Variants in AGAP3 observed in about 807,000 individuals in gnomAD.
AGAP3 encodes ArfGAP with GTPase domain, ankyrin repeat and PH domain 3, also known as arf-GAP with GTPase, ANK repeat and PH domain-containing protein 3.
AGAP3 carries 24 observed loss-of-function variants against 96.9 expected under a neutral mutation model. The observed-to-expected ratio is 0.25, with a 90% CI of 0.18 to 0.35. AGAP3 has a LOEUF of 0.35. AGAP3 is among the 10% of genes least tolerant of loss of function. The probability of loss-of-function intolerance (pLI) is 1.00; values close to 1 mark genes in which losing one functional copy is unlikely to be tolerated. For synonymous variants in AGAP3, 563 were observed against 536.1 expected (o/e 1.05, Z -0.69); for missense variants, 876 against 1,254.2 (o/e 0.70, Z 4.55).
In AGAP3 at chr7:151,142,822, C is replaced by T. The variant is rs1336622322; in HGVS notation, c.2273+188C>T. Among the ~76,000 whole-genome samples, 3 of 152,250 alleles carry T rather than the reference C, an allele frequency of 2.0e-5. No individual in the cohort carries two copies. Among genetic ancestry groups the T allele is most frequent in the African/African-American group, 4.8e-5 (2 of 41,470 alleles). On this transcript the variant is annotated intron_variant, in intron 16 of 17. Transcript: ENST00000397238. The surrounding 1 kb of genome is among the most constrained non-coding windows in gnomAD (Gnocchi z 7.5). ...CTGTCACTCAGGCGCCTCACAACAA[C>T]GGGCCCTTTCTGAGCGTTATCAGCA... is the stretch of plus-strand genomic sequence containing the variant.
chr7:151,121,348 G>C (rs930505955), intron 8 of AGAP3, among the ~76,000 whole-genome samples: 3 of 151,180 alleles, frequency 2.0e-5, no homozygotes, highest in African/African-American at 7.4e-5. Context: ...GCGTGGGGGG[G>C]GCCGCCTGCT....
chr7:151,120,753 C>A (rs902704661), intron 8 of AGAP3: 12 of 1,199,614 alleles, frequency 1.0e-5, no homozygotes, highest in Admixed American at 6.3e-5. Context: ...CAGGTTTGTC[C>A]TGTCTCCTTG....
At chr7:151,098,125 G>A (rs1028616515) in intron 1 of AGAP3, among the ~76,000 whole-genome samples, 6 of 151,980 alleles carry the variant, frequency 3.9e-5, no homozygotes, top group Admixed American at 2.0e-4. Context: ...TTGGGAGGCC[G>A]AGGCAGGCAG....
chr7:151,128,451 C>G (rs1800269418), intron 9 of AGAP3, 129 bp from the exon 10 acceptor site: 2 of 716,460 alleles, frequency 2.8e-6, no homozygotes, highest in Non-Finnish European at 4.8e-6. Flanking sequence ...TCCTTAAAGG[C>G]TGCTTTGCTC....
intron 11 of AGAP3, chr7:151,136,455 C>T (rs372361249): frequency 6.6e-6 from 1 of 152,262 alleles, no homozygotes; most frequent in Admixed American, 6.5e-5. Context: ...CACCGACCCT[C>T]GTGCACACTC....
intron 8 of AGAP3, chr7:151,120,618 GCT>G (rs1298216097): frequency 3.6e-5 from 46 of 1,294,032 alleles, no homozygotes; most frequent in Non-Finnish European, 4.6e-5. Context: ...TCGCCTTCCG[GCT>G]CTTTTTCCGT....
chr7:151,136,259 A>G (rs1207250729), intron 11 of AGAP3: 1 of 152,192 alleles, frequency 6.6e-6, no homozygotes, highest in Non-Finnish European at 1.5e-5. Flanking sequence ...CTGTTTCCCT[A>G]GAGCAAGGGA....
Position 151,096,455 on chromosome 7 carries a change from G to T in AGAP3, c.331+9383G>T, listed in dbSNP as rs574742894. Reference sequence around the variant, plus strand: ...TGCAGTAGACATGGGCGAGTCACACGTGTGAACTTAAATTTTCTTTTCTTT... The same window carrying T: ...TGCAGTAGACATGGGCGAGTCACACTTGTGAACTTAAATTTTCTTTTCTTT... On this transcript the variant is annotated intron_variant, in intron 1 of 17. Coordinates refer to ENST00000397238, the MANE Select transcript of AGAP3 (RefSeq NM_031946.7). This position sits in a 1 kb window ranked among gnomAD's most constrained non-coding sequence, Gnocchi z 4.4. Among the ~76,000 whole-genome samples the T allele has an allele frequency of 6.6e-6, 1 of 152,144 alleles. No homozygotes were observed. The highest frequency in any genetic ancestry group is 6.5e-5 in the Admixed American group (1 of 15,270).
Position 151,118,145 on chromosome 7 carries a change from C to T in AGAP3, c.707-65C>T. 6 of 1,546,310 alleles carry T rather than the reference C, an allele frequency of 3.9e-6. No homozygotes were observed. Among genetic ancestry groups the T allele is most frequent in the East Asian group, 2.3e-5 (1 of 44,046 alleles). ...TGCACACCTGCCCTTGGGCCAAATG[C>T]CCCCCACCACACTACCCCAGCTTCT... On this transcript the variant is annotated intron_variant, in intron 5 of 17. Coordinates refer to ENST00000397238, the MANE Select transcript of AGAP3 (RefSeq NM_031946.7). This position sits in a 1 kb window ranked among gnomAD's most constrained non-coding sequence, Gnocchi z 6.1.
intron 1 of AGAP3, chr7:151,087,321 T>TG (rs965633975): frequency 1.1e-4 from 57 of 497,288 alleles, no homozygotes; most frequent in East Asian, 1.5e-4. Flanking sequence ...TGGTGTCGCT[T>TG]GGGGGGGCCG....
chr7:151,122,101 A>G (rs577565743), intron 8 of AGAP3, among the ~76,000 whole-genome samples: 20 of 152,204 alleles, frequency 1.3e-4, no homozygotes, highest in Middle Eastern at 3.4e-3. Flanking sequence ...TTGGCTCACA[A>G]TCTGGCTGGG....
chr7:151,125,746 C>T lies in AGAP3; in HGVS notation c.1221+1860C>T, dbSNP rs759558496. Among the ~76,000 whole-genome samples the T allele has an allele frequency of 5.9e-5, 9 of 152,236 alleles. No individual in the cohort carries two copies. In the South Asian group the frequency reaches 6.2e-4, roughly 10 times the overall value. On this transcript the variant is annotated intron_variant, in intron 9 of 17. Coordinates refer to ENST00000397238, the MANE Select transcript of AGAP3 (RefSeq NM_031946.7). ...TCTCCCGGTTCTATTCCTTCCCCTCCCCCCAGCTCCTGCTGGGAGTGGAGA... is the reference window on the plus strand; with the variant it reads ...TCTCCCGGTTCTATTCCTTCCCCTCTCCCCAGCTCCTGCTGGGAGTGGAGA...
At chr7:151,129,785 C>G (rs919566384) in intron 10 of AGAP3, among the ~76,000 whole-genome samples, 1 of 152,168 alleles carries the variant, frequency 6.6e-6, no homozygotes, top group African/African-American at 2.4e-5. Context: ...GGAAGAGCGC[C>G]TACCACAGAG....
At chr7:151,094,295 C>T (rs1041247398) in intron 1 of AGAP3, among the ~76,000 whole-genome samples, 7 of 152,074 alleles carry the variant, frequency 4.6e-5, no homozygotes, top group South Asian at 2.1e-4. Flanking sequence ...ACGCTTGTCT[C>T]GTTATTGCTT....
At position 151,140,074 on chromosome 7, in the gene AGAP3, A is replaced by G. The variant is rs767911248; in HGVS notation, c.1762A>G (p.Thr588Ala). 5.1e-5 allele frequency: 82 copies of G among 1,605,252 alleles called. No homozygotes were observed. The Admixed American group carries it at 1.3e-3, about 26-fold the overall frequency. ...GAAGAAGCACCGGAGGAAAAAGAGCACCGGGACCCCCCGACCAGACGGCCC... is the reference window on the plus strand; with the variant it reads ...GAAGAAGCACCGGAGGAAAAAGAGCGCCGGGACCCCCCGACCAGACGGCCC... The part of the protein sequence containing the change: ...NRKKHRRKKS[T>A]GTPRPDGPSS... The change falls in exon 13 of 18, where the codon ACC becomes GCC. Residue 588 changes from threonine (T) to alanine (A), a missense_variant. By Grantham distance (58) the Thr-to-Ala change is moderately conservative. This residue lies in a region of AGAP3 where 155 missense variants were observed against 144.4 expected (regional missense o/e 1.07). Transcript: ENST00000397238. This position sits in a 1 kb window ranked among gnomAD's most constrained non-coding sequence, Gnocchi z 5.4.
At chr7:151,091,289 C>T (rs534152789) in intron 1 of AGAP3, among the ~76,000 whole-genome samples, 8 of 152,322 alleles carry the variant, frequency 5.3e-5, no homozygotes, top group African/African-American at 1.7e-4. Flanking sequence ...TCTGGCAATT[C>T]GTTGGTTTAG....
intron 1 of AGAP3, among the ~76,000 whole-genome samples, chr7:151,089,490 C>T (rs1157110077): frequency 6.6e-6 from 1 of 152,158 alleles, no homozygotes; most frequent in Non-Finnish European, 1.5e-5. Flanking sequence ...ATAACAAAGC[C>T]TCCCTCACTC....
intron 1 of AGAP3, among the ~76,000 whole-genome samples, chr7:151,088,907 A>G (rs922410434): frequency 2.0e-5 from 3 of 152,042 alleles, no homozygotes; most frequent in African/African-American, 4.8e-5. Flanking sequence ...GAAATACCCC[A>G]TGGTTCCGTC....
At position 151,140,914 on chromosome 7, in the gene AGAP3, G is replaced by C. The variant is rs554229808; in HGVS notation, c.1804+798G>C. 1 of 152,232 alleles carries C rather than the reference G, an allele frequency of 6.6e-6. No individual in the cohort carries two copies. The highest frequency in any genetic ancestry group is 1.9e-4 in the East Asian group (1 of 5,198). The allele number at this position is 152,232 out of a possible 1,614,324, so 9.4% of individuals were successfully genotyped here. A position where few individuals can be genotyped will look rare whatever the true frequency, so the allele number is the denominator to read the frequency against. ...GGTGGTGCCTGGGGAAGGAGGCGCC[G>C]GTTCTATTTCTGTGGGAAGGCAGTT... On this transcript the variant is annotated intron_variant, in intron 13 of 17. Coordinates refer to ENST00000397238, the MANE Select transcript of AGAP3 (RefSeq NM_031946.7). The surrounding 1 kb of genome is among the most constrained non-coding windows in gnomAD (Gnocchi z 5.4).
Sources: allele counts gnomAD v4.1 joint callset (sites outside exome capture counted in the v4.1 genomes callset), GRCh38; gene constraint gnomAD v4.1.1; regional missense constraint gnomAD v4.1.1; non-coding constraint Gnocchi (gnomAD v3.1); transcripts MANE v1.5; gene names NCBI Gene and HGNC (gene_info 2026-07-23, HGNC 2026-07-21).